The following SETD5 variants were observed in gnomAD, a reference collection of about 807,000 sequenced individuals.
SETD5 encodes the protein histone-lysine N-methyltransferase SETD5.
A neutral mutation model predicts 153.3 loss-of-function variants in SETD5; 44 were observed. The observed-to-expected ratio is 0.29, with a 90% CI of 0.23 to 0.37. SETD5 has a LOEUF of 0.37. SETD5 is among the 10% of genes least tolerant of loss of function. The pLI is 1.00. For synonymous variants in SETD5, 716 were observed against 645.2 expected (o/e 1.11, Z -1.66); for missense variants, 1,544 against 1,768.0 (o/e 0.87, Z 2.27).
chr3:9,447,042 C>T lies in SETD5; in HGVS notation c.1525-8C>T, dbSNP rs1264329093. 1 of 1,604,922 alleles carries T rather than the reference C, an allele frequency of 6.2e-7. No homozygotes were observed. Among genetic ancestry groups the T allele is most frequent in the Non-Finnish European group, 8.5e-7 (1 of 1,176,104 alleles). On this transcript the variant is annotated splice_polypyrimidine_tract_variant and splice_region_variant and intron_variant, in intron 13 of 22. Transcript: ENST00000402198. ...GCTTCCTTCTACACCAGTACTATCT[C>T]TTTCTAGACCAGGGAAGATAGAAAG...
At chr3:9,416,514 A>AT (rs2037494047) in intron 1 of SETD5, among the ~76,000 whole-genome samples, 1 of 152,084 alleles carries the variant, frequency 6.6e-6, no homozygotes, top group South Asian at 2.1e-4. Flanking sequence ...GTTTACAGTG[A>AT]TTTTTTTCTT....
In SETD5 at chr3:9,447,983, T is replaced by A. The variant is rs773405916; in HGVS notation, c.2080T>A (p.Ser694Thr). ...TGGATCCCATGTCAACCGTGCTGCATCTAAATACCCCAAAACCAAAAAGGT... is the reference window on the plus strand; with the variant it reads ...TGGATCCCATGTCAACCGTGCTGCAACTAAATACCCCAAAACCAAAAAGGT... ...ITGSHVNRAA[S>T]KYPKTKKYLV... The change falls in exon 15 of 23, where the codon TCT becomes ACT. Residue 694 changes from serine (S) to threonine (T), a missense_variant. By Grantham distance (58) the Ser-to-Thr change is moderately conservative. This residue lies in a region of SETD5 where 782 missense variants were observed against 787.2 expected (regional missense o/e 0.99). Transcript: ENST00000402198. 8 of 1,612,994 alleles carry A rather than the reference T, an allele frequency of 5.0e-6. No individual in the cohort carries two copies. Among genetic ancestry groups the A allele is most frequent in the Non-Finnish European group, 6.8e-6 (8 of 1,179,246 alleles).
intron 1 of SETD5, among the ~76,000 whole-genome samples, chr3:9,421,390 A>G (rs1173594762): frequency 6.6e-6 from 1 of 151,850 alleles, no homozygotes; most frequent in African/African-American, 2.4e-5. Context: ...CTCCTGCCTC[A>G]GCCTCCCAAA....
chr3:9,437,912 A>T (rs1002992580), intron 7 of SETD5, among the ~76,000 whole-genome samples: 2 of 151,822 alleles, frequency 1.3e-5, no homozygotes, highest in Non-Finnish European at 2.9e-5. Context: ...CTGAGGCAGG[A>T]GAATCGCTTG....
At chr3:9,425,051 G>GTTGC (rs2038943003) in intron 2 of SETD5, among the ~76,000 whole-genome samples, 1 of 91,454 alleles carries the variant, frequency 1.1e-5, no homozygotes, top group African/African-American at 5.0e-5. Context: ...TACCGACAAT[G>GTTGC]TTTCTTTTTT....
chr3:9,450,686 T>G (rs1356048099), intron 16 of SETD5, among the ~76,000 whole-genome samples: 3 of 152,100 alleles, frequency 2.0e-5, no homozygotes, highest in African/African-American at 7.2e-5. Context: ...TCCCTCAGAG[T>G]ATAAGTTAAT....
At chr3:9,468,232 G>A (rs1203222107) in intron 18 of SETD5, among the ~76,000 whole-genome samples, 1 of 151,944 alleles carries the variant, frequency 6.6e-6, no homozygotes, top group African/African-American at 2.4e-5. Flanking sequence ...AATTTCACCA[G>A]TCTAACTCTT....
At chr3:9,401,307 T>TA (rs373619051) in intron 1 of SETD5, among the ~76,000 whole-genome samples, 16 of 152,364 alleles carry the variant, frequency 1.1e-4, no homozygotes, top group Middle Eastern at 3.4e-3. Flanking sequence ...AAAATGTTTG[T>TA]AGTTTTTTAC....
intron 1 of SETD5, among the ~76,000 whole-genome samples, chr3:9,403,189 C>T (rs1459029281): frequency 2.0e-5 from 3 of 152,124 alleles, no homozygotes; most frequent in African/African-American, 7.2e-5. Flanking sequence ...TTGCCAACCA[C>T]ATACTATTAA....
In SETD5 at chr3:9,428,808, C is replaced by A; in HGVS notation, c.-116-15C>A. On this transcript the variant is annotated splice_polypyrimidine_tract_variant and intron_variant, in intron 2 of 22. Transcript: ENST00000402198. Reference sequence around the variant, plus strand: ...AGGTATTTATTTTACTAGATATTTTCCTTTTCTGTTACAGGATTCCTCATG... The same window carrying A: ...AGGTATTTATTTTACTAGATATTTTACTTTTCTGTTACAGGATTCCTCATG... The A allele has an allele frequency of 2.0e-6, 1 of 491,684 alleles. No homozygotes were observed. Among genetic ancestry groups the A allele is most frequent in the Non-Finnish European group, 3.7e-6 (1 of 268,992 alleles). The allele number at this position is 491,684 out of a possible 1,614,324, so 30.5% of individuals were successfully genotyped here.
rs1271680278 is a variant in SETD5 at position 9,474,710 on chromosome 3, T to C, written c.3631+128T>C. On this transcript the variant is annotated intron_variant, in intron 21 of 22. Coordinates refer to ENST00000402198, the MANE Select transcript of SETD5 (RefSeq NM_001080517.3). ...CAGTTGGGCTCCACCGCATGCTAGG[T>C]TCCAGCCCACTTATGCTCATTTGGG... 3.1e-6 allele frequency: 4 copies of C among 1,306,798 alleles called. No individual in the cohort carries two copies. In the African/African-American group the frequency reaches 5.9e-5, roughly 19 times the overall value. 81.0% of individuals were successfully genotyped at this position (1,306,798 alleles called of 1,614,324 possible). A position where few individuals can be genotyped will look rare whatever the true frequency, so the allele number is the denominator to read the frequency against.
Position 9,475,466 on chromosome 3 carries a change from C to T in SETD5, c.3721-17C>T, listed in dbSNP as rs930993609. 6 of 1,597,118 alleles carry T rather than the reference C, an allele frequency of 3.8e-6. No individual in the cohort carries two copies. Among genetic ancestry groups the T allele is most frequent in the Non-Finnish European group, 5.1e-6 (6 of 1,168,308 alleles). ...ACTTGTTCGCGTCCTTATTCGTTTC[C>T]TCCCAACTTTGTCTAGCTCCTGCAG... On this transcript the variant is annotated splice_polypyrimidine_tract_variant and intron_variant, in intron 22 of 22. Transcript: ENST00000402198.
At chr3:9,465,480 A>T (rs2044446746) in intron 18 of SETD5, among the ~76,000 whole-genome samples, 2 of 152,318 alleles carry the variant, frequency 1.3e-5, no homozygotes, top group South Asian at 4.1e-4. Context: ...CTTCTCAGAA[A>T]AATTTGTTCT....
At chr3:9,457,416 G>A (rs930645856) in intron 17 of SETD5, among the ~76,000 whole-genome samples, 3 of 152,112 alleles carry the variant, frequency 2.0e-5, no homozygotes, top group Non-Finnish European at 4.4e-5. Context: ...GAACCCAGGA[G>A]GCGGAGGTTG....
intron 1 of SETD5, chr3:9,398,687 G>A (rs942092535): frequency 5.9e-5 from 9 of 152,258 alleles, no homozygotes; most frequent in Admixed American, 3.3e-4. Flanking sequence ...ATCTTCAAAG[G>A]CAGAAAAATA....
Position 9,440,795 on chromosome 3 carries a change from C to G in SETD5, c.810+97C>G, listed in dbSNP as rs576902344. On this transcript the variant is annotated intron_variant, in intron 8 of 22. Coordinates refer to ENST00000402198, the MANE Select transcript of SETD5 (RefSeq NM_001080517.3). Reference sequence around the variant, plus strand: ...GGAATTACTGTTCCTTCCAAATGTACAAGGCCATGGAATAACAGATTAGCC... The same window carrying G: ...GGAATTACTGTTCCTTCCAAATGTAGAAGGCCATGGAATAACAGATTAGCC... 3 of 1,422,642 alleles carry G rather than the reference C, an allele frequency of 2.1e-6. No homozygotes were observed. In the Admixed American group the frequency reaches 7.1e-5, roughly 34 times the overall value. 88.1% of individuals were successfully genotyped at this position (1,422,642 alleles called of 1,614,324 possible).
At position 9,464,618 on chromosome 3, in the gene SETD5, A is replaced by C; in HGVS notation, c.2670A>C (p.Ser890=). ...ECRNGYSLMF[S]PVTSLTTASR... ...GAAATGGATACAGCCTCATGTTTTC[A>C]CCAGTCACATCTCTTACTACTGCTA... The change falls in exon 18 of 23, where the codon TCA becomes TCC. Residue 890 remains serine (S), a synonymous_variant. Transcript: ENST00000402198. The C allele has an allele frequency of 6.2e-7, 1 of 1,613,918 alleles. No homozygotes were observed.
intron 21 of SETD5, 119 bp downstream of exon 21, chr3:9,474,701 C>A: frequency 7.2e-7 from 1 of 1,385,878 alleles, no homozygotes. Flanking sequence ...GGCTCCACCG[C>A]ATGCTAGGTT....
chr3:9,399,002 C>A (rs187315063), intron 1 of SETD5, among the ~76,000 whole-genome samples: 1 of 152,312 alleles, frequency 6.6e-6, no homozygotes, highest in Non-Finnish European at 1.5e-5. Context: ...TAACTCATTT[C>A]TTTCCCAGAC....
Sources: gnomAD v4.1 joint callset for allele counts (sites outside exome capture counted in the v4.1 genomes callset) on GRCh38, gnomAD v4.1.1 for gene constraint, gnomAD v4.1.1 regional missense constraint, MANE v1.5 for transcripts, NCBI Gene and HGNC (gene_info 2026-07-23, HGNC 2026-07-21) for gene names.